COL5A2: variants seen among roughly 807,000 people sequenced by gnomAD.
COL5A2 encodes the protein collagen type V alpha 2 chain, also known as collagen alpha-2(V) chain.
COL5A2 carries 23 observed loss-of-function variants against 208.2 expected under a neutral mutation model. That is an observed-to-expected ratio of 0.11 (90% CI 0.08 to 0.16). The LOEUF is 0.16. COL5A2 is among the 10% of genes least tolerant of loss of function. The pLI, the probability that COL5A2 is intolerant of heterozygous loss-of-function variation, is 1.00. For missense variants in COL5A2, 1,590 were observed against 1,956.4 expected (o/e 0.81, Z 3.53); for synonymous variants, 625 against 628.5 (o/e 0.99, Z 0.08).
At chr2:189,119,320 T>C (rs1057499343) in intron 1 of COL5A2, among the ~76,000 whole-genome samples, 1 of 152,072 alleles carries the variant, frequency 6.6e-6, no homozygotes, top group African/African-American at 2.4e-5. Flanking sequence ...TCTTTCCATG[T>C]AACTTTACTA....
chr2:189,194,153 A>G (rs1475732663), intron 1 of COL5A2, among the ~76,000 whole-genome samples: 1 of 152,212 alleles, frequency 6.6e-6, no homozygotes, highest in Non-Finnish European at 1.5e-5. Flanking sequence ...GGGGTCCTCA[A>G]TAATTTTAAG....
At chr2:189,363,940 T>G in the COL5A2 span, among the ~76,000 whole-genome samples, 2 of 152,216 alleles carry the variant, frequency 1.3e-5, no homozygotes, top group African/African-American at 2.4e-5. Flanking sequence ...ATAGGCAGAC[T>G]GTCTTACACT....
intron 1 of COL5A2, among the ~76,000 whole-genome samples, chr2:189,218,629 C>A (rs761160016): frequency 6.6e-6 from 1 of 152,072 alleles, no homozygotes; most frequent in Non-Finnish European, 1.5e-5. Context: ...ATGAACATGT[C>A]TTATGGTATC....
At chr2:189,354,844 C>A in the COL5A2 span, among the ~76,000 whole-genome samples, 2 of 152,202 alleles carry the variant, frequency 1.3e-5, no homozygotes, top group East Asian at 3.9e-4. Flanking sequence ...TTTGTTCTTG[C>A]TTCTCTGCTT....
rs186613702 is a variant in COL5A2, at chr2:189,038,978, C to T, written c.3925+294G>A. On this transcript the variant is annotated intron_variant, in intron 51 of 53. Transcript: ENST00000374866. The stretch of plus-strand genomic sequence containing the variant: ...TGCTGGGATTACAGGCGTGAGACAC[C>T]GCACCTGGCCTGTTTTGTGACTTTT... 2.9e-3 allele frequency among the ~76,000 whole-genome samples: 441 copies of T among 152,106 alleles called. 2 individuals carry two copies. Among genetic ancestry groups the T allele is most frequent in the African/African-American group, 0.01 (425 of 41,486 alleles).
chr2:189,413,673 A>G, the COL5A2 span, among the ~76,000 whole-genome samples: 3 of 152,102 alleles, frequency 2.0e-5, no homozygotes, highest in Non-Finnish European at 4.4e-5. Context: ...CGGGACAGGC[A>G]TGAAGTAGGA....
At position 189,192,366 on chromosome 2, in the gene COL5A2, C is replaced by T. The variant is rs540804656; in HGVS notation, c.-42+32782G>A. The stretch of plus-strand genomic sequence containing the variant: ...AGGACTATTCTACAGAATATTCTCT[C>T]TGGAAGTAGGTCTTTGGGAAACATG... On this transcript the variant is annotated intron_variant, in intron 1 of 10. Transcript: ENST00000649966. Among the ~76,000 whole-genome samples the T allele has an allele frequency of 2.4e-4, 37 of 152,294 alleles. No homozygotes were observed. In the Middle Eastern group the frequency reaches 0.017, roughly 70 times the overall value.
intron 1 of COL5A2, among the ~76,000 whole-genome samples, chr2:189,172,007 C>A (rs1437975670): frequency 6.6e-6 from 1 of 152,028 alleles, no homozygotes; most frequent in Non-Finnish European, 1.5e-5. Context: ...GGAGAAAGGC[C>A]TGATAAGATA....
the COL5A2 span, among the ~76,000 whole-genome samples, chr2:189,415,562 A>G: frequency 6.6e-6 from 1 of 152,060 alleles, no homozygotes; most frequent in Admixed American, 6.6e-5. Flanking sequence ...TGTCAACTTC[A>G]CCTTTAATTT....
chr2:189,105,735 A>T (rs1687136477), intron 2 of COL5A2, among the ~76,000 whole-genome samples: 1 of 151,422 alleles, frequency 6.6e-6, no homozygotes, highest in Non-Finnish European at 1.5e-5. Flanking sequence ...ATATTTTAGA[A>T]GACTATAAAG....
the COL5A2 span, among the ~76,000 whole-genome samples, chr2:189,274,704 G>A: frequency 6.6e-6 from 1 of 151,052 alleles, no homozygotes; most frequent in South Asian, 2.1e-4. Flanking sequence ...CATCCCTGTG[G>A]GAAATTGTAT....
At chr2:189,108,632 T>C (rs1687197969) in intron 2 of COL5A2, among the ~76,000 whole-genome samples, 1 of 151,998 alleles carries the variant, frequency 6.6e-6, no homozygotes, top group Non-Finnish European at 1.5e-5. Context: ...GCCATTTCAA[T>C]ATTGACATTA....
At chr2:189,414,776 A>G in the COL5A2 span, among the ~76,000 whole-genome samples, 121 of 133,206 alleles carry the variant, frequency 9.1e-4, no homozygotes, top group African/African-American at 1.7e-3. Context: ...AAAAAAAAAA[A>G]GAATGTTTCC....
intron 38 of COL5A2, 60 bp downstream of exon 38, chr2:189,053,364 T>G: frequency 7.1e-7 from 1 of 1,400,652 alleles, no homozygotes; most frequent in Non-Finnish European, 1.0e-6. Flanking sequence ...CAATGATCAT[T>G]AAACTTATTA....
intron 1 of COL5A2, among the ~76,000 whole-genome samples, chr2:189,145,321 T>C (rs1229597376): frequency 6.6e-6 from 1 of 152,140 alleles, no homozygotes; most frequent in Non-Finnish European, 1.5e-5. Context: ...ACCATCTCTT[T>C]CTTCTTGTTT....
the COL5A2 span, among the ~76,000 whole-genome samples, chr2:189,294,750 A>G: frequency 6.6e-6 from 1 of 152,208 alleles, no homozygotes; most frequent in Admixed American, 6.5e-5. Flanking sequence ...ATCTATGAAT[A>G]AAAATATGTC....
At chr2:189,267,921 A>G in the COL5A2 span, among the ~76,000 whole-genome samples, 2 of 152,152 alleles carry the variant, frequency 1.3e-5, no homozygotes, top group Admixed American at 1.3e-4. Flanking sequence ...TTATCAATCC[A>G]TTTATCCTTT....
chr2:189,033,868 A>G lies in COL5A2; in HGVS notation c.*202T>C. 1.5e-6 allele frequency: 1 copy of G among 668,036 alleles called. No homozygotes were observed. The highest frequency in any genetic ancestry group is 1.9e-5 in the South Asian group (1 of 52,162). 41.4% of individuals were successfully genotyped at this position (668,036 alleles called of 1,614,324 possible). A position where few individuals can be genotyped will look rare whatever the true frequency, so the allele number is the denominator to read the frequency against. On this transcript the variant is annotated 3_prime_UTR_variant, in exon 54 of 54. Coordinates refer to ENST00000374866, the MANE Select transcript of COL5A2 (RefSeq NM_000393.5). ...ACTGTTGTATTGAAAAATATTTAAA[A>G]TCAATTAAAACTTGAGGATTGTAAG...
At chr2:189,280,923 A>G in the COL5A2 span, among the ~76,000 whole-genome samples, 2 of 152,092 alleles carry the variant, frequency 1.3e-5, no homozygotes, top group African/African-American at 4.8e-5. Context: ...ATACTATTCA[A>G]TAAATATTAG....
Sources: gnomAD v4.1 joint callset for allele counts (sites outside exome capture counted in the v4.1 genomes callset) on GRCh38, gnomAD v4.1.1 for gene constraint, MANE v1.5 for transcripts, NCBI Gene and HGNC (gene_info 2026-07-23, HGNC 2026-07-21) for gene names.